The following LRRTM3 variants were observed in gnomAD, a reference collection of about 807,000 sequenced individuals.
The protein encoded by LRRTM3 is leucine-rich repeat transmembrane neuronal protein 3.
Under a neutral mutation model 44.7 loss-of-function variants are expected in LRRTM3, and 24 were observed. The ratio of observed to expected loss-of-function variants is 0.54; its 90% CI spans 0.39 to 0.76. LRRTM3 has a LOEUF of 0.76. Ranked by LOEUF, LRRTM3 falls within the 30% of genes least tolerant of loss-of-function variation. LRRTM3 has a pLI of 0.00. For missense variants in LRRTM3, 587 were observed against 702.2 expected (o/e 0.84, Z 1.85); for synonymous variants, 277 against 278.7 (o/e 0.99, Z 0.06).
chr10:67,070,581 T>C (rs1856386912), intron 2 of LRRTM3, among the ~76,000 whole-genome samples: 1 of 152,036 alleles, frequency 6.6e-6, no homozygotes, highest in Non-Finnish European at 1.5e-5. Flanking sequence ...ACCCCATCTC[T>C]AGTAAAATAC....
At chr10:67,071,327 T>TCA (rs1474004938) in intron 2 of LRRTM3, among the ~76,000 whole-genome samples, 3 of 99,460 alleles carry the variant, frequency 3.0e-5, no homozygotes, top group African/African-American at 1.8e-4. Flanking sequence ...TTTTGTATTT[T>TCA]GGGTTTTTTT....
chr10:67,099,125 A>C lies in LRRTM3; in HGVS notation c.*1329A>C, dbSNP rs1397327735. Reference sequence around the variant, plus strand: ...TAATGGGATTCACCTCCAAATTATCAAAGAAATAACTCAGAGTAATTTGAC... The same window carrying C: ...TAATGGGATTCACCTCCAAATTATCCAAGAAATAACTCAGAGTAATTTGAC... On this transcript the variant is annotated 3_prime_UTR_variant, in exon 3 of 3. Coordinates refer to ENST00000361320, the MANE Select transcript of LRRTM3 (RefSeq NM_178011.5). The C allele has an allele frequency of 6.6e-6, 1 of 151,812 alleles. No homozygotes were observed. The highest frequency in any genetic ancestry group is 1.5e-5 in the Non-Finnish European group (1 of 67,842). The allele number at this position is 151,812 out of a possible 1,614,324, so 9.4% of individuals were successfully genotyped here.
chr10:67,084,801 A>G (rs1857216213), intron 2 of LRRTM3, among the ~76,000 whole-genome samples: 1 of 152,038 alleles, frequency 6.6e-6, no homozygotes, highest in Admixed American at 6.6e-5. Context: ...GACTACGTTT[A>G]TAAATTAAGG....
At chr10:66,958,016 C>T (rs1353904069) in intron 2 of LRRTM3, among the ~76,000 whole-genome samples, 1 of 151,940 alleles carries the variant, frequency 6.6e-6, no homozygotes, top group African/African-American at 2.4e-5. Flanking sequence ...AGGAAGGGTA[C>T]ATAGAACTAG....
chr10:67,064,784 C>G (rs1269381505), intron 2 of LRRTM3, among the ~76,000 whole-genome samples: 1 of 152,038 alleles, frequency 6.6e-6, no homozygotes, highest in Admixed American at 6.6e-5. Context: ...TAATTTCAAT[C>G]TCACTTTTAC....
At chr10:67,040,407 C>A (rs1403369599) in intron 2 of LRRTM3, among the ~76,000 whole-genome samples, 2 of 152,012 alleles carry the variant, frequency 1.3e-5, no homozygotes, top group Admixed American at 6.6e-5. Flanking sequence ...GGAGCCACTG[C>A]ACAAAGGTCA....
In LRRTM3 at chr10:66,928,151, C is replaced by A; in HGVS notation, c.1235C>A (p.Ala412Asp). 1 of 1,614,104 alleles carries A rather than the reference C, an allele frequency of 6.2e-7. No individual in the cohort carries two copies. The highest frequency in any genetic ancestry group is 8.5e-7 in the Non-Finnish European group (1 of 1,180,048). The change falls in exon 2 of 3, where the codon GCC becomes GAC. Residue 412 changes from alanine (A) to aspartate (D), a missense_variant. By Grantham distance (126) the Ala-to-Asp change is moderately radical. Transcript: ENST00000361320. Reference sequence around the variant, plus strand: ...CCCGGCCCAGAGACCGATGCTGACGCCGAGCACATCTCTTTCCATAAAATC... The same window carrying A: ...CCCGGCCCAGAGACCGATGCTGACGACGAGCACATCTCTTTCCATAAAATC... ...TEPGPETDAD[A>D]EHISFHKIIA...
intron 2 of LRRTM3, chr10:67,013,142 T>G (rs1852445248): frequency 6.6e-6 from 1 of 151,986 alleles, no homozygotes; most frequent in Admixed American, 6.6e-5. Context: ...CTCAGAGAAG[T>G]TAGGTGAAAA....
intron 2 of LRRTM3, among the ~76,000 whole-genome samples, chr10:67,072,374 G>C (rs894380758): frequency 1.3e-5 from 2 of 152,032 alleles, no homozygotes; most frequent in Admixed American, 1.3e-4. Context: ...CTATGTATCT[G>C]CTTCAAATGT....
intron 2 of LRRTM3, among the ~76,000 whole-genome samples, chr10:67,080,525 G>A (rs10997498): frequency 0.35 from 52,994 of 151,964 alleles, 9,642 homozygotes; most frequent in Middle Eastern, 0.53. Context: ...GGAAATTTAT[G>A]TTTTATTATT....
chr10:67,084,543 C>A (rs1162936436), intron 2 of LRRTM3, among the ~76,000 whole-genome samples: 1 of 151,752 alleles, frequency 6.6e-6, no homozygotes, highest in Non-Finnish European at 1.5e-5. Context: ...TCATTTTCAC[C>A]CTTTAGATTA....
intron 2 of LRRTM3, among the ~76,000 whole-genome samples, chr10:66,944,335 A>G (rs1035462430): frequency 3.3e-5 from 5 of 152,142 alleles, no homozygotes; most frequent in Non-Finnish European, 5.9e-5. Flanking sequence ...TCATCCATTC[A>G]AGTTTGATCA....
chr10:67,048,001 C>T (rs1854855847), intron 2 of LRRTM3, among the ~76,000 whole-genome samples: 1 of 152,120 alleles, frequency 6.6e-6, no homozygotes. Flanking sequence ...TTGTCAAGAA[C>T]AGTACCATGT....
intron 2 of LRRTM3, among the ~76,000 whole-genome samples, chr10:66,990,189 A>C (rs1850966662): frequency 2.0e-5 from 3 of 152,140 alleles, no homozygotes; most frequent in Admixed American, 2.0e-4. Flanking sequence ...TCATGAACCA[A>C]GTCAGGTTCT....
intron 2 of LRRTM3, among the ~76,000 whole-genome samples, chr10:66,943,897 T>A (rs1168462240): frequency 2.6e-5 from 4 of 152,202 alleles, no homozygotes; most frequent in African/African-American, 9.7e-5. Context: ...AAAAATACTT[T>A]ATTGCTAAAA....
chr10:67,085,527 A>C (rs1295841851), intron 2 of LRRTM3, among the ~76,000 whole-genome samples: 1 of 151,966 alleles, frequency 6.6e-6, no homozygotes, highest in Non-Finnish European at 1.5e-5. Context: ...TGTGCTCATA[A>C]AATTTAGAAG....
chr10:66,955,458 T>C (rs1230742804), intron 2 of LRRTM3, among the ~76,000 whole-genome samples: 1 of 152,148 alleles, frequency 6.6e-6, no homozygotes, highest in African/African-American at 2.4e-5. Context: ...TCAGTAAAAT[T>C]AATCATCTTG....
At chr10:66,952,008 C>G (rs1308809420) in intron 2 of LRRTM3, among the ~76,000 whole-genome samples, 1 of 152,202 alleles carries the variant, frequency 6.6e-6, no homozygotes, top group Non-Finnish European at 1.5e-5. Context: ...GACAAATTGG[C>G]TGGCTTTCCT....
chr10:66,927,189 C>G lies in LRRTM3; in HGVS notation c.273C>G (p.Tyr91Ter). The G allele has an allele frequency of 6.2e-7, 1 of 1,614,188 alleles. No individual in the cohort carries two copies. The highest frequency in any genetic ancestry group is 8.5e-7 in the Non-Finnish European group (1 of 1,180,038). The change falls in exon 2 of 3, where the codon TAC becomes TAG. Residue 91 changes from tyrosine to a stop codon, truncating the protein, a stop_gained. Transcript: ENST00000361320. LOFTEE classifies it high-confidence loss of function. The surrounding 1 kb of genome is among the most constrained non-coding windows in gnomAD (Gnocchi z 4.7). ...GGCTCAACCAGCTCACCTGGCTATA[C>G]CTTGACCATAACCATATCAGCAATA... is the stretch of plus-strand genomic sequence containing the variant. ...FKGLNQLTWL[Y>*]LDHNHISNID...
Sources: allele counts gnomAD v4.1 joint callset (sites outside exome capture counted in the v4.1 genomes callset), GRCh38; gene constraint gnomAD v4.1.1; non-coding constraint Gnocchi (gnomAD v3.1); transcripts MANE v1.5; gene names NCBI Gene and HGNC (gene_info 2026-07-23, HGNC 2026-07-21).